Variants in TACC2 observed in about 807,000 individuals in gnomAD.
The protein encoded by TACC2 is transforming acidic coiled-coil containing protein 2.
TACC2 carries 137 observed loss-of-function variants against 227.3 expected under a neutral mutation model. The observed-to-expected ratio is 0.60, with a 90% CI of 0.52 to 0.69. TACC2 has a LOEUF of 0.69. Ranked by LOEUF, TACC2 falls within the 30% of genes least tolerant of loss-of-function variation. The probability of loss-of-function intolerance (pLI) is 0.00; values close to 1 mark genes in which losing one functional copy is unlikely to be tolerated. For missense variants in TACC2, 3,470 were observed against 3,694.4 expected (o/e 0.94, Z 1.57); for synonymous variants, 1,523 against 1,487.5 (o/e 1.02, Z -0.55).
intron 2 of TACC2, among the ~76,000 whole-genome samples, chr10:122,037,210 G>T (rs374251581): frequency 1.9e-4 from 29 of 152,352 alleles, no homozygotes; most frequent in East Asian, 1.2e-3. Flanking sequence ...AAGAAGGCCG[G>T]TGTGGCTGGA....
Position 122,220,111 on chromosome 10 carries a change from G to A in TACC2, c.7546+3283G>A, listed in dbSNP as rs767861923. 2.0e-5 allele frequency among the ~76,000 whole-genome samples: 3 copies of A among 151,658 alleles called. No homozygotes were observed. In the South Asian group the frequency reaches 6.2e-4, roughly 31 times the overall value. On this transcript the variant is annotated intron_variant, in intron 11 of 22. Transcript: ENST00000369005. ...TGATTTTGATATGTGTGTGTCTTTA[G>A]TTTTACCATCAGGAACCAAATACAT...
intron 5 of TACC2, among the ~76,000 whole-genome samples, chr10:122,090,546 C>CAAAAAAAAAAAAAAAAAAAAAAA (rs1188822419): frequency 2.4e-5 from 1 of 41,114 alleles, no homozygotes; most frequent in Non-Finnish European, 5.1e-5. Context: ...GACTCTATCT[C>CAAAAAAAAAAAAAAAAAAAAAAA]AAAAAAAAAA....
At chr10:122,114,013 CTGT>C (rs1467076310) in intron 5 of TACC2, among the ~76,000 whole-genome samples, 1 of 152,254 alleles carries the variant, frequency 6.6e-6, no homozygotes, top group Non-Finnish European at 1.5e-5. Flanking sequence ...ATCACTGTTA[CTGT>C]TGTTGCTATC....
intron 6 of TACC2, among the ~76,000 whole-genome samples, chr10:122,138,730 T>C (rs1417720779): frequency 6.6e-6 from 1 of 152,164 alleles, no homozygotes; most frequent in African/African-American, 2.4e-5. Context: ...GAGTTTCCAT[T>C]GTCTGTCTGG....
intron 3 of TACC2, among the ~76,000 whole-genome samples, chr10:122,078,223 A>AT (rs1261768427): frequency 1.4e-5 from 2 of 145,860 alleles, no homozygotes; most frequent in Non-Finnish European, 3.0e-5. Flanking sequence ...AAAAAAAAAA[A>AT]AGTGCCCAGA....
chr10:122,158,614 G>A (rs1426439947), intron 7 of TACC2, among the ~76,000 whole-genome samples: 2 of 152,104 alleles, frequency 1.3e-5, no homozygotes, highest in African/African-American at 2.4e-5. Flanking sequence ...AAAGGTTCCA[G>A]GTGTAAATAT....
chr10:122,055,693 G>A (rs562700263), intron 3 of TACC2, among the ~76,000 whole-genome samples: 21 of 152,310 alleles, frequency 1.4e-4, no homozygotes, highest in African/African-American at 4.8e-4. Context: ...ACCTGCACTT[G>A]TGCCCTTGAA....
At chr10:122,092,893 GGTT>G (rs1454414066) in intron 5 of TACC2, among the ~76,000 whole-genome samples, 1 of 152,192 alleles carries the variant, frequency 6.6e-6, no homozygotes, top group Non-Finnish European at 1.5e-5. Flanking sequence ...GTTAGTTTCA[GGTT>G]GTTCTGCAGA....
chr10:122,147,629 T>C (rs1212571239), intron 7 of TACC2, among the ~76,000 whole-genome samples: 1 of 152,248 alleles, frequency 6.6e-6, no homozygotes, highest in African/African-American at 2.4e-5. Flanking sequence ...TTCAATCATG[T>C]ATTTATATCT....
intron 5 of TACC2, among the ~76,000 whole-genome samples, chr10:122,128,930 A>G (rs1176231230): frequency 1.3e-5 from 2 of 152,052 alleles, no homozygotes; most frequent in African/African-American, 2.4e-5. Context: ...CATAGACTGT[A>G]TAGACACACA....
At chr10:122,244,866 A>G (rs2096075324) in intron 19 of TACC2, among the ~76,000 whole-genome samples, 1 of 152,262 alleles carries the variant, frequency 6.6e-6, no homozygotes, top group South Asian at 2.1e-4. Flanking sequence ...ATTCATTTGC[A>G]TCAAATGTTA....
intron 7 of TACC2, among the ~76,000 whole-genome samples, chr10:122,147,727 A>C (rs1484995749): frequency 1.3e-5 from 2 of 152,228 alleles, no homozygotes; most frequent in African/African-American, 4.8e-5. Flanking sequence ...AGCTTTGGTC[A>C]TGGGCTCCTT....
At chr10:122,182,347 G>T (rs2093998520) in intron 7 of TACC2, among the ~76,000 whole-genome samples, 1 of 152,210 alleles carries the variant, frequency 6.6e-6, no homozygotes, top group Non-Finnish European at 1.5e-5. Flanking sequence ...TCATTCAGGA[G>T]CATGTTATCC....
At chr10:122,047,273 A>G (rs1591436448) in intron 2 of TACC2, among the ~76,000 whole-genome samples, 1 of 128,120 alleles carries the variant, frequency 7.8e-6, no homozygotes, top group South Asian at 3.1e-4. Flanking sequence ...TGGGCAACAG[A>G]GCGAGACTCC....
At chr10:122,216,980 C>A (rs1304170811) in intron 11 of TACC2, 152 bp downstream of exon 11, 26 of 1,462,800 alleles carry the variant, frequency 1.8e-5, no homozygotes, top group Middle Eastern at 1.9e-4. Flanking sequence ...ACTTGCAGCT[C>A]AGGCTGTGTT....
chr10:122,123,296 C>T (rs933582039), intron 5 of TACC2, among the ~76,000 whole-genome samples: 2 of 152,180 alleles, frequency 1.3e-5, no homozygotes, highest in Non-Finnish European at 2.9e-5. Flanking sequence ...TGAGCCACCG[C>T]GCCTGGCCTG....
At chr10:122,173,687 T>C (rs1205299551) in intron 7 of TACC2, among the ~76,000 whole-genome samples, 2 of 152,200 alleles carry the variant, frequency 1.3e-5, no homozygotes, top group Non-Finnish European at 2.9e-5. Context: ...AAGGAAAACA[T>C]GTCTGTGGAA....
In TACC2 at chr10:122,021,954, C is replaced by G; in HGVS notation, c.-28C>G. 6.2e-7 allele frequency: 1 copy of G among 1,613,694 alleles called. No individual in the cohort carries two copies. The highest frequency in any genetic ancestry group is 8.5e-7 in the Non-Finnish European group (1 of 1,179,668). Reference sequence around the variant, plus strand: ...TCTTCCAGTCACCTCTGACAAAATTCTGGGGACGCTGGGAACACTGAATCA... The same window carrying G: ...TCTTCCAGTCACCTCTGACAAAATTGTGGGGACGCTGGGAACACTGAATCA... On this transcript the variant is annotated 5_prime_UTR_variant, in exon 2 of 23. Coordinates refer to ENST00000369005, the MANE Select transcript of TACC2 (RefSeq NM_206862.4).
At chr10:122,046,009 TAA>T (rs1163931339) in intron 2 of TACC2, among the ~76,000 whole-genome samples, 1 of 149,716 alleles carries the variant, frequency 6.7e-6, no homozygotes, top group East Asian at 2.0e-4. Context: ...CCATCTCTAC[TAA>T]AAAAAAATAC....
Sources: allele counts gnomAD v4.1 joint callset (sites outside exome capture counted in the v4.1 genomes callset), GRCh38; gene constraint gnomAD v4.1.1; transcripts MANE v1.5; gene names NCBI Gene and HGNC (gene_info 2026-07-23, HGNC 2026-07-21).